Variants in GTF2F2 observed in about 807,000 individuals in gnomAD.
GTF2F2 encodes ATP-dependent helicase GTF2F2.
Under a neutral mutation model 42.2 loss-of-function variants are expected in GTF2F2, and 23 were observed. That is an observed-to-expected ratio of 0.55 (90% CI 0.39 to 0.77). GTF2F2 has a LOEUF of 0.77. Ranked by LOEUF, GTF2F2 falls within the 30% of genes least tolerant of loss-of-function variation. The pLI, the probability that GTF2F2 is intolerant of heterozygous loss-of-function variation, is 0.00. For synonymous variants in GTF2F2, 105 were observed against 100.8 expected (o/e 1.04, Z -0.25); for missense variants, 261 against 287.2 (o/e 0.91, Z 0.66).
At chr13:45,196,781 A>G (rs1872917104) in intron 4 of GTF2F2, among the ~76,000 whole-genome samples, 1 of 152,178 alleles carries the variant, frequency 6.6e-6, no homozygotes, top group African/African-American at 2.4e-5. Flanking sequence ...CTTCATGGGA[A>G]GCCCCAATGC....
At chr13:45,129,712 A>G (rs1211091809) in intron 1 of GTF2F2, among the ~76,000 whole-genome samples, 1 of 152,240 alleles carries the variant, frequency 6.6e-6, no homozygotes, top group Admixed American at 6.5e-5. Flanking sequence ...ACAAAATTAC[A>G]ATATCTGCCT....
At chr13:45,199,369 C>A (rs186952650) in intron 4 of GTF2F2, among the ~76,000 whole-genome samples, 29 of 152,332 alleles carry the variant, frequency 1.9e-4, no homozygotes, top group Admixed American at 2.0e-4. Context: ...TTCCACATTT[C>A]TTTGATTTTC....
chr13:45,125,513 T>C (rs922159512), intron 1 of GTF2F2, among the ~76,000 whole-genome samples: 2 of 152,010 alleles, frequency 1.3e-5, no homozygotes, highest in Non-Finnish European at 2.9e-5. Flanking sequence ...AGAGACGGGG[T>C]TTCACTGTGT....
At chr13:45,269,665 G>T (rs1167762198) in intron 7 of GTF2F2, among the ~76,000 whole-genome samples, 3 of 152,172 alleles carry the variant, frequency 2.0e-5, no homozygotes, top group African/African-American at 7.2e-5. Flanking sequence ...TGGATTTGGA[G>T]TATGAGATCC....
intron 2 of GTF2F2, among the ~76,000 whole-genome samples, chr13:45,140,850 T>G (rs1026585749): frequency 3.9e-5 from 6 of 152,204 alleles, no homozygotes; most frequent in African/African-American, 9.6e-5. Context: ...GAGAGAGTAC[T>G]TAGATGATGA....
intron 7 of GTF2F2, among the ~76,000 whole-genome samples, chr13:45,277,923 C>T (rs1213030321): frequency 2.0e-5 from 3 of 152,160 alleles, no homozygotes; most frequent in Admixed American, 6.5e-5. Context: ...GACTGGAAGA[C>T]TAACAGGGTC....
intron 4 of GTF2F2, among the ~76,000 whole-genome samples, chr13:45,179,877 G>C (rs1264132906): frequency 6.6e-6 from 1 of 152,126 alleles, no homozygotes; most frequent in Admixed American, 6.5e-5. Context: ...AAGAACTGAA[G>C]GAATTTCTTA....
At chr13:45,215,438 C>A (rs1873847289) in intron 5 of GTF2F2, among the ~76,000 whole-genome samples, 1 of 152,026 alleles carries the variant, frequency 6.6e-6, no homozygotes, top group Non-Finnish European at 1.5e-5. Context: ...GAAAACTAGG[C>A]AAGGTGTTTT....
chr13:45,186,102 G>A (rs1344782048), intron 4 of GTF2F2, among the ~76,000 whole-genome samples: 1 of 151,684 alleles, frequency 6.6e-6, no homozygotes, highest in Non-Finnish European at 1.5e-5. Context: ...AGCCTCCCGA[G>A]TAGCTGGGAT....
At chr13:45,200,325 T>TTAAATTTTATTTTTA (rs1265769762) in intron 4 of GTF2F2, among the ~76,000 whole-genome samples, 1 of 152,154 alleles carries the variant, frequency 6.6e-6, no homozygotes, top group African/African-American at 2.4e-5. Context: ...TTTTATAAAA[T>TTAAATTTTATTTTTA]TAAATTTTAT....
chr13:45,212,428 C>A (rs1042594734), intron 5 of GTF2F2, among the ~76,000 whole-genome samples: 11 of 126,384 alleles, frequency 8.7e-5, no homozygotes, highest in South Asian at 2.8e-4. Context: ...GGATTGATTT[C>A]TTTCTTTCTT....
chr13:45,228,281 A>ATTTTTTTTTTTTTTTTTTTTTTTTTTT (rs1874467229), intron 5 of GTF2F2, among the ~76,000 whole-genome samples: 2 of 85,682 alleles, frequency 2.3e-5, no homozygotes, highest in African/African-American at 1.0e-4. Context: ...GCCAGAGTTA[A>ATTTTTTTTTTTTTTTTTTTTTTTTTTT]TCTTTTTTTT....
chr13:45,187,761 T>A (rs1281734853), intron 4 of GTF2F2, among the ~76,000 whole-genome samples: 2 of 152,256 alleles, frequency 1.3e-5, no homozygotes, highest in Non-Finnish European at 2.9e-5. Context: ...TCCTCCATAT[T>A]ACATCTTTGT....
chr13:45,167,664 G>T (rs1168199224), intron 4 of GTF2F2, among the ~76,000 whole-genome samples: 3 of 152,088 alleles, frequency 2.0e-5, no homozygotes, highest in Non-Finnish European at 4.4e-5. Context: ...TCCCAAAAGT[G>T]CTGGGATTAC....
At chr13:45,126,121 T>A (rs1325795718) in intron 1 of GTF2F2, among the ~76,000 whole-genome samples, 1 of 152,172 alleles carries the variant, frequency 6.6e-6, no homozygotes. Context: ...CACATCATGA[T>A]GTCCACTTCA....
intron 4 of GTF2F2, among the ~76,000 whole-genome samples, chr13:45,179,626 G>C (rs1188542047): frequency 6.6e-6 from 1 of 152,120 alleles, no homozygotes; most frequent in East Asian, 1.9e-4. Context: ...CTCATGCCTT[G>C]GGAGGCTGTC....
chr13:45,208,149 A>G (rs991504078), intron 5 of GTF2F2, among the ~76,000 whole-genome samples: 3 of 152,040 alleles, frequency 2.0e-5, no homozygotes, highest in Non-Finnish European at 4.4e-5. Context: ...ATTGTACTGT[A>G]TAAAGCAAGT....
intron 5 of GTF2F2, among the ~76,000 whole-genome samples, chr13:45,225,328 C>A (rs956238844): frequency 6.6e-6 from 1 of 151,608 alleles, no homozygotes; most frequent in Admixed American, 6.6e-5. Context: ...TTTTTGAAAT[C>A]AATCACTTAA....
intron 4 of GTF2F2, among the ~76,000 whole-genome samples, chr13:45,167,109 A>G (rs1456232781): frequency 6.8e-6 from 1 of 147,848 alleles, no homozygotes; most frequent in Non-Finnish European, 1.5e-5. Flanking sequence ...TTTTTTTTTT[A>G]AAGAACTTCG....
Sources: gnomAD v4.1 joint callset for allele counts (sites outside exome capture counted in the v4.1 genomes callset) on GRCh38, gnomAD v4.1.1 for gene constraint, MANE v1.5 for transcripts, NCBI Gene and HGNC (gene_info 2026-07-23, HGNC 2026-07-21) for gene names.